Variants in UGT1A9 observed in about 807,000 individuals in gnomAD.
UGT1A9 encodes UDP-glucuronosyltransferase 1A9.
In UGT1A9, 35 loss-of-function variants were observed where a neutral mutation model predicts 45.0. The ratio of observed to expected loss-of-function variants is 0.78; its 90% CI spans 0.59 to 1.03. The LOEUF is 1.03. Ranked by LOEUF, UGT1A9 falls within the 50% of genes least tolerant of loss-of-function variation. The pLI, the probability that UGT1A9 is intolerant of heterozygous loss-of-function variation, is 0.00. For synonymous variants in UGT1A9, 278 were observed against 250.6 expected, an observed-to-expected ratio of 1.11 and a Z score of -1.03; for missense variants, 687 against 666.6, an observed-to-expected ratio of 1.03 and a Z score of -0.34.
At chr2:233,739,084 G>A (rs1483024078) in intron 1 of UGT1A9, 1 of 152,248 alleles carries the variant, frequency 6.6e-6, no homozygotes, top group Non-Finnish European at 1.5e-5. Flanking sequence ...TCAAGCCTTG[G>A]CAGCATCGAT....
chr2:233,753,648 C>T (rs1051556706), intron 1 of UGT1A9: 5 of 152,204 alleles, frequency 3.3e-5, no homozygotes, highest in Non-Finnish European at 5.9e-5. Context: ...CACAAAGGTA[C>T]TTTCTCAATT....
At chr2:233,725,411 A>G (rs1339557332) in intron 1 of UGT1A9, among the ~76,000 whole-genome samples, 2 of 151,802 alleles carry the variant, frequency 1.3e-5, no homozygotes, top group Non-Finnish European at 2.9e-5. Context: ...TCTAATACAG[A>G]ATTGTCCAAT....
chr2:233,760,654 C>T (rs1222597079), intron 1 of UGT1A9: 1 of 1,614,218 alleles, frequency 6.2e-7, no homozygotes, highest in Non-Finnish European at 8.5e-7. Context: ...CTCTGCTATG[C>T]TTTTGTCTGG....
chr2:233,682,737 C>T, intron 1 of UGT1A9: 3 of 1,613,870 alleles, frequency 1.9e-6, no homozygotes, highest in Non-Finnish European at 1.7e-6. Flanking sequence ...CCCGTGATGC[C>T]CAATATGATC....
At chr2:233,712,949 A>G (rs374838145) in intron 1 of UGT1A9, 2 of 1,612,750 alleles carry the variant, frequency 1.2e-6, no homozygotes, top group Non-Finnish European at 1.7e-6. Flanking sequence ...TCTAGGAGGC[A>G]CAACGTGGGG....
chr2:233,700,361 G>A (rs764696456), intron 1 of UGT1A9, among the ~76,000 whole-genome samples: 35 of 152,274 alleles, frequency 2.3e-4, no homozygotes, highest in Middle Eastern at 3.4e-3. Flanking sequence ...CTTTATGGCT[G>A]ATTATCTGGG....
At chr2:233,765,607 G>A (rs1299491644) in intron 1 of UGT1A9, among the ~76,000 whole-genome samples, 2 of 151,978 alleles carry the variant, frequency 1.3e-5, no homozygotes, top group African/African-American at 4.8e-5. Context: ...GGCTTGTGGC[G>A]GGGTGAGGGG....
intron 1 of UGT1A9, among the ~76,000 whole-genome samples, chr2:233,702,570 C>T (rs2075694124): frequency 6.6e-6 from 1 of 152,096 alleles, no homozygotes; most frequent in Admixed American, 6.5e-5. Context: ...AGTCTTTTAG[C>T]AGATTAGGTC....
chr2:233,768,652 T>C (rs1699688984), intron 4 of UGT1A9, among the ~76,000 whole-genome samples: 1 of 146,762 alleles, frequency 6.8e-6, no homozygotes, highest in Non-Finnish European at 1.5e-5. Flanking sequence ...AGTGGTGCAA[T>C]CTTGGCTTAC....
rs1438675423 is a variant in UGT1A9 at position 233,720,224 on chromosome 2, C to CA, written c.856-46809dup. On this transcript the variant is annotated intron_variant, in intron 1 of 4. Coordinates refer to ENST00000354728, the MANE Select transcript of UGT1A9 (RefSeq NM_021027.3). ...TGAAGGTGGGATGGATGCATGTGAT[C>CA]AGAGAATGAAACATGGAGTTCAGTT... is the stretch of plus-strand genomic sequence containing the variant. Among the ~76,000 whole-genome samples the CA allele has an allele frequency of 3.3e-5, 5 of 152,078 alleles. No homozygotes were observed. The East Asian group carries it at 9.6e-4, about 29-fold the overall frequency.
intron 1 of UGT1A9, among the ~76,000 whole-genome samples, chr2:233,698,748 A>G (rs12988520): frequency 6.6e-6 from 1 of 152,100 alleles, no homozygotes; most frequent in South Asian, 2.1e-4. Flanking sequence ...TTTTTACATA[A>G]TGCTATGATT....
intron 1 of UGT1A9, among the ~76,000 whole-genome samples, chr2:233,727,645 C>T (rs1332345020): frequency 3.9e-5 from 6 of 152,104 alleles, no homozygotes; most frequent in South Asian, 2.1e-4. Context: ...GCTGAGAATC[C>T]CTTTCTAGTG....
intron 1 of UGT1A9, among the ~76,000 whole-genome samples, chr2:233,741,066 G>A (rs923933270): frequency 3.3e-5 from 5 of 151,838 alleles, no homozygotes; most frequent in Non-Finnish European, 7.3e-5. Context: ...GCTACAGAGC[G>A]AGACCCTGTC....
At chr2:233,721,300 TA>T in intron 1 of UGT1A9, among the ~76,000 whole-genome samples, 1 of 152,206 alleles carries the variant, frequency 6.6e-6, no homozygotes, top group Non-Finnish European at 1.5e-5. Flanking sequence ...GGCATTTGAA[TA>T]GTGATTGTGG....
chr2:233,692,971 CTT>C (rs2075123431), intron 1 of UGT1A9: 4 of 1,611,844 alleles, frequency 2.5e-6, no homozygotes, highest in South Asian at 2.2e-5. Flanking sequence ...AGTGAAAACT[CTT>C]TATTACCGTT....
At chr2:233,739,348 G>A (rs1455435875) in intron 1 of UGT1A9, among the ~76,000 whole-genome samples, 7 of 152,152 alleles carry the variant, frequency 4.6e-5, no homozygotes, top group Admixed American at 4.6e-4. Context: ...GAACCCAGAA[G>A]GGCAGATCCA....
intron 1 of UGT1A9, among the ~76,000 whole-genome samples, chr2:233,704,467 C>T (rs2075790222): frequency 6.6e-6 from 1 of 151,994 alleles, no homozygotes; most frequent in South Asian, 2.1e-4. Flanking sequence ...GCTCTATTTC[C>T]TTTCTCCCCT....
chr2:233,709,152 T>G (rs78253521), intron 1 of UGT1A9, among the ~76,000 whole-genome samples: 3,273 of 152,190 alleles, frequency 0.022, 115 homozygotes, highest in African/African-American at 0.075. Context: ...TGCTGATTGG[T>G]TGAGGCCTAG....
chr2:233,733,687 G>A (rs906292331), intron 1 of UGT1A9, among the ~76,000 whole-genome samples: 3 of 152,194 alleles, frequency 2.0e-5, no homozygotes, highest in African/African-American at 7.2e-5. Context: ...ACTTTTTGAT[G>A]TGCTGCTGGA....
Sources: allele counts gnomAD v4.1 joint callset (sites outside exome capture counted in the v4.1 genomes callset), GRCh38; gene constraint gnomAD v4.1.1; transcripts MANE v1.5; gene names NCBI Gene and HGNC (gene_info 2026-07-23, HGNC 2026-07-21).